Variants in PACRG observed in about 807,000 individuals in gnomAD.
PACRG encodes the protein parkin coregulated, also known as parkin coregulated gene protein.
PACRG carries 29 observed loss-of-function variants against 29.7 expected under a neutral mutation model. The ratio of observed to expected loss-of-function variants is 0.98; its 90% CI spans 0.73 to 1.33. PACRG has a LOEUF of 1.33. Ranked by LOEUF, PACRG falls within the 40% of genes most tolerant of loss-of-function variation. PACRG has a pLI of 0.00. For missense variants in PACRG, 279 were observed against 316.2 expected (o/e 0.88, Z 0.89); for synonymous variants, 116 against 118.7 (o/e 0.98, Z 0.15).
chr6:162,933,409 A>C (rs73605883), intron 2 of PACRG, among the ~76,000 whole-genome samples: 2,089 of 152,204 alleles, frequency 0.014, 53 homozygotes, highest in African/African-American at 0.049. Context: ...TTCTGTCTAG[A>C]TGATTTTTCC....
At chr6:162,747,452 AACTATAAATATATATGTAAAAC>A (rs1179388062) in intron 1 of PACRG, among the ~76,000 whole-genome samples, 3 of 63,028 alleles carry the variant, frequency 4.8e-5, no homozygotes, top group African/African-American at 2.1e-4. Context: ...ATATATATAT[AACTATAAATATATATGTAAAAC>A]TATATATATA....
chr6:163,197,450 T>TC (rs1411086642), intron 4 of PACRG, among the ~76,000 whole-genome samples: 36 of 142,426 alleles, frequency 2.5e-4, no homozygotes, highest in African/African-American at 9.1e-4. Flanking sequence ...TTTTTTTTTT[T>TC]TTTTTTTTTG....
At chr6:163,047,218 C>T (rs560867431) in intron 2 of PACRG, among the ~76,000 whole-genome samples, 5 of 152,250 alleles carry the variant, frequency 3.3e-5, no homozygotes, top group Admixed American at 1.3e-4. Context: ...TTTCTTGATT[C>T]GTTATTTATG....
At chr6:162,835,768 G>A (rs1191148193) in intron 2 of PACRG, among the ~76,000 whole-genome samples, 1 of 152,020 alleles carries the variant, frequency 6.6e-6, no homozygotes, top group Non-Finnish European at 1.5e-5. Flanking sequence ...ATGAAAATTA[G>A]CTTAGGTCTT....
intron 4 of PACRG, among the ~76,000 whole-genome samples, chr6:163,104,252 C>T (rs1293213812): frequency 2.6e-5 from 4 of 152,156 alleles, no homozygotes; most frequent in Non-Finnish European, 5.9e-5. Flanking sequence ...TAATTAAAAA[C>T]ATCAAACAGA....
chr6:162,787,386 A>G (rs911273240), intron 1 of PACRG, among the ~76,000 whole-genome samples: 1 of 151,636 alleles, frequency 6.6e-6, no homozygotes, highest in African/African-American at 2.4e-5. Context: ...AACATGTAAA[A>G]AAACTAGCAG....
At chr6:163,213,144 C>CGGACAAAT (rs1781222378) in intron 4 of PACRG, among the ~76,000 whole-genome samples, 1 of 152,074 alleles carries the variant, frequency 6.6e-6, no homozygotes, top group Non-Finnish European at 1.5e-5. Context: ...ATTAAAAGCA[C>CGGACAAAT]GTGGCAGCTG....
chr6:163,162,609 C>T (rs916299696), intron 4 of PACRG, among the ~76,000 whole-genome samples: 10 of 152,236 alleles, frequency 6.6e-5, no homozygotes, highest in Non-Finnish European at 1.2e-4. Context: ...CCAGTTCACA[C>T]GGTCAGAGGG....
intron 4 of PACRG, among the ~76,000 whole-genome samples, chr6:163,203,429 C>A (rs1048191834): frequency 1.3e-5 from 2 of 152,026 alleles, no homozygotes; most frequent in Admixed American, 6.5e-5. Flanking sequence ...AACAAACAAA[C>A]AAAAAAACCC....
intron 4 of PACRG, among the ~76,000 whole-genome samples, chr6:163,218,973 A>C (rs1369168708): frequency 2.6e-5 from 4 of 152,180 alleles, no homozygotes; most frequent in Non-Finnish European, 4.4e-5. Context: ...GACAGCCCCC[A>C]CTGCGCTTAC....
chr6:163,132,989 G>A (rs1245188352), intron 4 of PACRG, among the ~76,000 whole-genome samples: 3 of 152,208 alleles, frequency 2.0e-5, no homozygotes, highest in Admixed American at 6.5e-5. Context: ...CAGTGTATGA[G>A]TTAGGTTAAG....
chr6:163,228,789 C>T (rs984184785), intron 4 of PACRG, among the ~76,000 whole-genome samples: 4 of 152,148 alleles, frequency 2.6e-5, no homozygotes, highest in African/African-American at 4.8e-5. Flanking sequence ...CATTTGGACA[C>T]ATCACATAAG....
At chr6:162,856,098 C>T (rs896744752) in intron 2 of PACRG, among the ~76,000 whole-genome samples, 3 of 152,072 alleles carry the variant, frequency 2.0e-5, no homozygotes, top group Non-Finnish European at 4.4e-5. Context: ...GCTCTGTCAC[C>T]CAGGCTGGAG....
At chr6:163,298,092 A>C (rs1211104864) in intron 4 of PACRG, among the ~76,000 whole-genome samples, 2 of 152,196 alleles carry the variant, frequency 1.3e-5, no homozygotes, top group Non-Finnish European at 2.9e-5. Context: ...ACCAAAAAGA[A>C]GTGAATGCTG....
intron 4 of PACRG, among the ~76,000 whole-genome samples, chr6:163,203,993 A>G (rs1780807391): frequency 6.6e-6 from 1 of 152,226 alleles, no homozygotes; most frequent in Non-Finnish European, 1.5e-5. Flanking sequence ...TGCACATGCA[A>G]ATAGTCGGAA....
At chr6:162,974,752 G>A (rs531623478) in intron 2 of PACRG, among the ~76,000 whole-genome samples, 14 of 151,990 alleles carry the variant, frequency 9.2e-5, no homozygotes, top group Admixed American at 1.3e-4. Flanking sequence ...AATCTTATCC[G>A]GGAGATATTA....
intron 1 of PACRG, among the ~76,000 whole-genome samples, chr6:162,810,331 G>A (rs1376473175): frequency 6.6e-6 from 1 of 152,156 alleles, no homozygotes; most frequent in South Asian, 2.1e-4. Context: ...GTCAGAATAA[G>A]CAAGCTAAAA....
chr6:163,112,179 CT>C lies in PACRG; in HGVS notation c.613+22778del, dbSNP rs577517290. 7.5e-5 allele frequency: 25 copies of C among 334,360 alleles called. No homozygotes were observed. The East Asian group carries it at 3.4e-3, about 46-fold the overall frequency. 20.7% of individuals were successfully genotyped at this position (334,360 alleles called of 1,614,324 possible). A position where few individuals can be genotyped will look rare whatever the true frequency, so the allele number is the denominator to read the frequency against. The stretch of plus-strand genomic sequence containing the variant: ...CATTGACAGAATCTGTCTGATGGAA[CT>C]TTTTTTGAAGTCTGGCATCTATTCT... On this transcript the variant is annotated intron_variant, in intron 4 of 4. Coordinates refer to ENST00000366888, the MANE Select transcript of PACRG (RefSeq NM_001080379.2).
At chr6:163,262,795 A>T (rs1783376896) in intron 4 of PACRG, among the ~76,000 whole-genome samples, 1 of 151,764 alleles carries the variant, frequency 6.6e-6, no homozygotes, top group South Asian at 2.1e-4. Flanking sequence ...TAATCCTAGC[A>T]CTTTGGGAGG....
Sources: gnomAD v4.1 joint callset for allele counts (sites outside exome capture counted in the v4.1 genomes callset) on GRCh38, gnomAD v4.1.1 for gene constraint, MANE v1.5 for transcripts, NCBI Gene and HGNC (gene_info 2026-07-23, HGNC 2026-07-21) for gene names.